FRMD5: variants seen among roughly 807,000 people sequenced by gnomAD.
FRMD5 encodes FERM domain-containing protein 5.
In FRMD5, 20 loss-of-function variants were observed where a neutral mutation model predicts 69.0. The observed-to-expected ratio is 0.29, with a 90% CI of 0.20 to 0.42. FRMD5 has a LOEUF of 0.42. Among genes scored for constraint, FRMD5 ranks in the 10% least tolerant of loss-of-function variants. FRMD5 has a pLI of 1.00. For synonymous variants in FRMD5, 271 were observed against 260.1 expected, an observed-to-expected ratio of 1.04 and a Z score of -0.40; for missense variants, 595 against 708.6, an observed-to-expected ratio of 0.84 and a Z score of 1.82.
chr15:44,015,536 C>T (rs948200035), intron 1 of FRMD5, among the ~76,000 whole-genome samples: 7 of 152,094 alleles, frequency 4.6e-5, no homozygotes, highest in African/African-American at 1.7e-4. Context: ...AAAAACTATT[C>T]AAAATGGACT....
chr15:44,124,710 A>G (rs527551765), intron 1 of FRMD5, among the ~76,000 whole-genome samples: 7 of 152,068 alleles, frequency 4.6e-5, no homozygotes, highest in Non-Finnish European at 8.8e-5. Flanking sequence ...AAAAAACAAT[A>G]ATAATAATTT....
chr15:44,065,858 T>A (rs1258922052), intron 1 of FRMD5, among the ~76,000 whole-genome samples: 1 of 152,228 alleles, frequency 6.6e-6, no homozygotes, highest in Non-Finnish European at 1.5e-5. Flanking sequence ...GAACATGACA[T>A]CCTTCACAAC....
chr15:44,041,152 T>C (rs1892173479), intron 1 of FRMD5, among the ~76,000 whole-genome samples: 1 of 151,584 alleles, frequency 6.6e-6, no homozygotes, highest in East Asian at 1.9e-4. Flanking sequence ...GAGATAGCTA[T>C]CCTAAATATA....
intron 1 of FRMD5, among the ~76,000 whole-genome samples, chr15:43,930,800 A>C (rs1047422991): frequency 6.6e-6 from 1 of 152,222 alleles, no homozygotes; most frequent in African/African-American, 2.4e-5. Flanking sequence ...TGTGACACGC[A>C]GGATGTGCAC....
intron 1 of FRMD5, among the ~76,000 whole-genome samples, chr15:44,138,508 T>C (rs2077219946): frequency 6.6e-6 from 1 of 152,166 alleles, no homozygotes; most frequent in Non-Finnish European, 1.5e-5. Flanking sequence ...TTTAAAATGT[T>C]AGGAGAAAAG....
At chr15:44,084,168 G>A (rs1365887936) in intron 1 of FRMD5, among the ~76,000 whole-genome samples, 1 of 151,958 alleles carries the variant, frequency 6.6e-6, no homozygotes, top group Non-Finnish European at 1.5e-5. Flanking sequence ...TATATAATGA[G>A]GCGGCTAATC....
intron 1 of FRMD5, among the ~76,000 whole-genome samples, chr15:44,057,442 A>G (rs1892919176): frequency 6.6e-6 from 1 of 152,210 alleles, no homozygotes; most frequent in Admixed American, 6.5e-5. Context: ...GATATTGCAC[A>G]TGGTCAAGCA....
At chr15:44,044,948 A>T (rs1244499907) in intron 1 of FRMD5, among the ~76,000 whole-genome samples, 3 of 152,156 alleles carry the variant, frequency 2.0e-5, no homozygotes, top group African/African-American at 7.2e-5. Flanking sequence ...CCCTAATATG[A>T]CATGTTCTAT....
intron 1 of FRMD5, among the ~76,000 whole-genome samples, 196 bp from the exon 2 acceptor site, chr15:43,924,505 G>A (rs918837152): frequency 6.6e-6 from 1 of 152,178 alleles, no homozygotes; most frequent in Non-Finnish European, 1.5e-5. Context: ...CCTGGAAGGA[G>A]CCCAAGAACC....
At chr15:44,144,655 T>C (rs1299412547) in intron 1 of FRMD5, among the ~76,000 whole-genome samples, 4 of 152,310 alleles carry the variant, frequency 2.6e-5, no homozygotes, top group African/African-American at 9.6e-5. Context: ...GAATACTGTA[T>C]CTATTTAAAA....
intron 1 of FRMD5, among the ~76,000 whole-genome samples, chr15:43,991,924 A>G (rs1889701737): frequency 6.6e-6 from 1 of 152,222 alleles, no homozygotes; most frequent in Non-Finnish European, 1.5e-5. Context: ...CCAGAAGAAA[A>G]CCATGTGTCA....
chr15:43,968,303 T>A (rs1391792025), intron 1 of FRMD5, among the ~76,000 whole-genome samples: 1 of 152,182 alleles, frequency 6.6e-6, no homozygotes, highest in Non-Finnish European at 1.5e-5. Context: ...GAATTCAAAA[T>A]TGGTTGTATT....
intron 1 of FRMD5, among the ~76,000 whole-genome samples, chr15:44,069,911 G>A (rs1893464500): frequency 6.6e-6 from 1 of 152,088 alleles, no homozygotes; most frequent in South Asian, 2.1e-4. Flanking sequence ...CAGGTTAAGG[G>A]GGAGGCAAGA....
chr15:44,079,162 G>C (rs1051338337), intron 1 of FRMD5, among the ~76,000 whole-genome samples: 1 of 151,860 alleles, frequency 6.6e-6, no homozygotes, highest in African/African-American at 2.4e-5. Context: ...CACACGAAAA[G>C]ATATTCAAAA....
At chr15:43,992,289 G>A (rs1161603135) in intron 1 of FRMD5, among the ~76,000 whole-genome samples, 1 of 150,990 alleles carries the variant, frequency 6.6e-6, no homozygotes, top group African/African-American at 2.4e-5. Flanking sequence ...ATTGGTTGGT[G>A]GTTGGGCATT....
In FRMD5 at chr15:43,990,393, A is replaced by G. The variant is rs77382431; in HGVS notation, c.103-66084T>C. ...ATCTCTGAGGTATGCCTATAAATAA[A>G]ATTTCTTTTCTCATTATTTATAATG... On this transcript the variant is annotated intron_variant, in intron 1 of 13. Transcript: ENST00000417257. 2.5e-3 allele frequency among the ~76,000 whole-genome samples: 378 copies of G among 152,250 alleles called. 9 individuals carry two copies. In the East Asian group the frequency reaches 0.063, roughly 25 times the overall value.
chr15:44,054,668 T>A (rs1892797592), intron 1 of FRMD5, among the ~76,000 whole-genome samples: 1 of 152,190 alleles, frequency 6.6e-6, no homozygotes. Flanking sequence ...TCTACCCATA[T>A]TTTAATCATA....
At chr15:44,063,516 G>A (rs746736517) in intron 1 of FRMD5, 24 of 439,874 alleles carry the variant, frequency 5.5e-5, no homozygotes, top group Non-Finnish European at 8.9e-5. Flanking sequence ...ACACCATGGT[G>A]AAGGTGAAGG....
upstream of FRMD5, among the ~76,000 whole-genome samples, chr15:44,198,930 G>A (rs767582831): frequency 6.6e-6 from 1 of 152,124 alleles, no homozygotes; most frequent in Non-Finnish European, 1.5e-5. Flanking sequence ...CAAATTATCA[G>A]AATATCAGCC....
Sources: gnomAD v4.1 joint callset for allele counts (sites outside exome capture counted in the v4.1 genomes callset) on GRCh38, gnomAD v4.1.1 for gene constraint, MANE v1.5 for transcripts, NCBI Gene and HGNC (gene_info 2026-07-23, HGNC 2026-07-21) for gene names.